CNTNAP5: variants seen among roughly 807,000 people sequenced by gnomAD.
CNTNAP5 encodes contactin associated protein family member 5, also known as contactin-associated protein-like 5.
A neutral mutation model predicts 150.2 loss-of-function variants in CNTNAP5; 72 were observed. That is an observed-to-expected ratio of 0.48 (90% CI 0.40 to 0.58). CNTNAP5 has a LOEUF of 0.58. CNTNAP5 is among the 20% of genes least tolerant of loss of function. CNTNAP5 has a pLI of 0.00. For synonymous variants in CNTNAP5, 672 were observed against 619.8 expected, an observed-to-expected ratio of 1.08 and a Z score of -1.25; for missense variants, 1,636 against 1,626.2, an observed-to-expected ratio of 1.01 and a Z score of -0.10.
chr2:124,518,339 T>C (rs1694777885), intron 8 of CNTNAP5, among the ~76,000 whole-genome samples: 1 of 152,216 alleles, frequency 6.6e-6, no homozygotes, highest in Non-Finnish European at 1.5e-5. Flanking sequence ...ACTAGAATTC[T>C]AATTTCTGAC....
At position 124,123,012 on chromosome 2, in the gene CNTNAP5, C is replaced by T. The variant is rs922661498; in HGVS notation, c.82+97280C>T. ...CTCCCAGCGTGAGTGATGCAGAAGA[C>T]GGGTGATTTCTGCATTTCCAACTGA... On this transcript the variant is annotated intron_variant, in intron 1 of 23. Coordinates refer to ENST00000682447, the MANE Select transcript of CNTNAP5 (RefSeq NM_001367498.1). Among the ~76,000 whole-genome samples the T allele has an allele frequency of 1.4e-4, 21 of 151,874 alleles. 1 individual carries two copies. The highest frequency in any genetic ancestry group is 7.9e-4 in the Admixed American group (12 of 15,230).
chr2:124,030,657 GA>G (rs956841926), intron 1 of CNTNAP5, among the ~76,000 whole-genome samples: 27 of 146,202 alleles, frequency 1.8e-4, no homozygotes, highest in African/African-American at 4.0e-4. Context: ...ACATCTAAAA[GA>G]AAAAAAAAAT....
Position 124,159,458 on chromosome 2 carries a change from GGTGGCAGGCCAGATTTGGCCTGT to G in CNTNAP5, c.83-62245_83-62223del, listed in dbSNP as rs369312070. ...CAATAAAATTTTATTTACAAAAATA[GGTGGCAGGCCAGATTTGGCCTGT>G]GGGTCATAGCTTGCCAGTTCTTGTT... is the stretch of plus-strand genomic sequence containing the variant. On this transcript the variant is annotated intron_variant, in intron 1 of 23. Coordinates refer to ENST00000682447, the MANE Select transcript of CNTNAP5 (RefSeq NM_001367498.1). 5.3e-3 allele frequency among the ~76,000 whole-genome samples: 803 copies of G among 152,308 alleles called. 5 individuals carry two copies. Among genetic ancestry groups the G allele is most frequent in the African/African-American group, 0.018 (746 of 41,576 alleles).
intron 1 of CNTNAP5, among the ~76,000 whole-genome samples, chr2:124,208,318 C>T (rs1305306022): frequency 6.6e-6 from 1 of 152,116 alleles, no homozygotes; most frequent in East Asian, 1.9e-4. Context: ...ACACTTTGGT[C>T]CAGCATGTTA....
chr2:124,514,177 TGAA>T (rs1473648767), intron 8 of CNTNAP5, among the ~76,000 whole-genome samples: 1 of 152,220 alleles, frequency 6.6e-6, no homozygotes, highest in African/African-American at 2.4e-5. Context: ...AGTAACATGA[TGAA>T]GCATTTCGTG....
intron 7 of CNTNAP5, among the ~76,000 whole-genome samples, chr2:124,475,925 G>A (rs1172407662): frequency 6.6e-6 from 1 of 151,704 alleles, no homozygotes; most frequent in African/African-American, 2.4e-5. Context: ...TGTTTATTTT[G>A]TTTCCTGGGT....
intron 1 of CNTNAP5, among the ~76,000 whole-genome samples, chr2:124,151,135 G>A (rs1684396638): frequency 6.6e-6 from 1 of 152,150 alleles, no homozygotes; most frequent in South Asian, 2.1e-4. Context: ...GTGGGGCAGA[G>A]AAAGGAGGTG....
At position 124,713,327 on chromosome 2, in the gene CNTNAP5, C is replaced by CT. The variant is rs1558746979; in HGVS notation, c.2078-33899dup. ...TTCTTTCTCTTTCTTTCCTTTCTTTCTTTCTTTCTTTCTTTCTTTCTTTCT... is the reference window on the plus strand; with the variant it reads ...TTCTTTCTCTTTCTTTCCTTTCTTTCTTTTCTTTCTTTCTTTCTTTCTTTCT... On this transcript the variant is annotated intron_variant, in intron 13 of 23. Coordinates refer to ENST00000682447, the MANE Select transcript of CNTNAP5 (RefSeq NM_001367498.1). Among the ~76,000 whole-genome samples, 24 of 67,962 alleles carry CT rather than the reference C, an allele frequency of 3.5e-4. 5 individuals carry two copies. In the East Asian group the frequency reaches 0.013, roughly 37 times the overall value. The allele number at this position is 67,962 out of a possible 152,430, so 44.6% of individuals were successfully genotyped here. A position where few individuals can be genotyped will look rare whatever the true frequency, so the allele number is the denominator to read the frequency against.
chr2:124,330,161 G>T (rs1689314658), intron 3 of CNTNAP5, among the ~76,000 whole-genome samples: 1 of 151,946 alleles, frequency 6.6e-6, no homozygotes, highest in East Asian at 1.9e-4. Context: ...TTTATTCAAG[G>T]TATGAGGCCA....
At chr2:124,688,322 AT>A (rs1267831425) in intron 13 of CNTNAP5, among the ~76,000 whole-genome samples, 1 of 151,900 alleles carries the variant, frequency 6.6e-6, no homozygotes, top group Non-Finnish European at 1.5e-5. Context: ...TCTAGACCTT[AT>A]TTTTTCCTTG....
chr2:124,749,780 C>G (rs1355198585), intron 14 of CNTNAP5, among the ~76,000 whole-genome samples: 1 of 152,128 alleles, frequency 6.6e-6, no homozygotes, highest in Admixed American at 6.5e-5. Context: ...TTACCCCTTT[C>G]TTTATAGGAC....
At chr2:124,404,193 CAG>C (rs1334589477) in intron 3 of CNTNAP5, among the ~76,000 whole-genome samples, 1 of 152,226 alleles carries the variant, frequency 6.6e-6, no homozygotes, top group African/African-American at 2.4e-5. Flanking sequence ...AGACTTGCAA[CAG>C]AGTCTCCCTG....
rs528674134 is a variant in CNTNAP5, at chr2:124,407,365, A to G, written c.382-10078A>G. Among the ~76,000 whole-genome samples, 26 of 152,174 alleles carry G rather than the reference A, an allele frequency of 1.7e-4. No individual in the cohort carries two copies. The South Asian group carries it at 5.0e-3, about 29-fold the overall frequency. On this transcript the variant is annotated intron_variant, in intron 3 of 23. Coordinates refer to ENST00000682447, the MANE Select transcript of CNTNAP5 (RefSeq NM_001367498.1). ...TTCTTTTCCTTCATATTTGAAAGCTATTTTTTTGAGGGTGGGTTGTAGAGG... is the reference window on the plus strand; with the variant it reads ...TTCTTTTCCTTCATATTTGAAAGCTGTTTTTTTGAGGGTGGGTTGTAGAGG...
rs139147921 is a variant in CNTNAP5, at chr2:124,764,334, A to AATC, written c.2533+189_2533+191dup. 8.8e-3 allele frequency among the ~76,000 whole-genome samples: 1,340 copies of AATC among 152,224 alleles called. 23 individuals are homozygous for AATC. Among genetic ancestry groups the AATC allele is most frequent in the African/African-American group, 0.03 (1,264 of 41,552 alleles). ...GATTTTTTATGACCTGTCAGTATTT[A>AATC]ATCAGTCATTCTCTTATCAAAACAT... On this transcript the variant is annotated intron_variant, in intron 16 of 23. Transcript: ENST00000682447.
chr2:124,124,139 A>G (rs561757910), intron 1 of CNTNAP5, among the ~76,000 whole-genome samples: 2 of 152,298 alleles, frequency 1.3e-5, no homozygotes, highest in African/African-American at 4.8e-5. Context: ...GTTCGAACCC[A>G]CTGCAAAGAA....
At chr2:124,281,248 C>A in intron 3 of CNTNAP5, among the ~76,000 whole-genome samples, 1 of 152,052 alleles carries the variant, frequency 6.6e-6, no homozygotes. Flanking sequence ...TTCTTTTACA[C>A]CCCCTTCTCC....
At chr2:124,629,592 G>T (rs1677801341) in intron 12 of CNTNAP5, among the ~76,000 whole-genome samples, 1 of 152,042 alleles carries the variant, frequency 6.6e-6, no homozygotes, top group South Asian at 2.1e-4. Flanking sequence ...AGGATTAAAT[G>T]CTCACATCGG....
At chr2:124,049,168 T>C (rs373255039) in intron 1 of CNTNAP5, among the ~76,000 whole-genome samples, 1 of 152,210 alleles carries the variant, frequency 6.6e-6, no homozygotes, top group Admixed American at 6.5e-5. Flanking sequence ...ATCTCCTTCA[T>C]TTGGTACCAC....
chr2:124,401,634 T>C (rs1342055264), intron 3 of CNTNAP5, among the ~76,000 whole-genome samples: 1 of 152,250 alleles, frequency 6.6e-6, no homozygotes, highest in African/African-American at 2.4e-5. Flanking sequence ...TCAATGCCCT[T>C]TCTTGGTGCT....
Sources: gnomAD v4.1 joint callset for allele counts (sites outside exome capture counted in the v4.1 genomes callset) on GRCh38, gnomAD v4.1.1 for gene constraint, MANE v1.5 for transcripts, NCBI Gene and HGNC (gene_info 2026-07-23, HGNC 2026-07-21) for gene names.